The following PTN variants were observed in gnomAD, a reference collection of about 807,000 sequenced individuals.
The protein encoded by PTN is pleiotrophin, also known as heparin affin regulatory protein.
In PTN, 18 loss-of-function variants were observed where a neutral mutation model predicts 24.1. The ratio of observed to expected loss-of-function variants is 0.75; its 90% confidence interval spans 0.52 to 1.11. The LOEUF is 1.11. Ranked by LOEUF, PTN falls within the 50% of genes least tolerant of loss-of-function variation. The pLI is 0.00. For synonymous variants in PTN, 78 were observed against 68.6 expected, an observed-to-expected ratio of 1.14 and a Z score of -0.67; for missense variants, 163 against 198.8, an observed-to-expected ratio of 0.82 and a Z score of 1.08.
intron 1 of PTN, among the ~76,000 whole-genome samples, chr7:137,264,793 TG>T (rs1478521215): frequency 6.6e-6 from 1 of 152,100 alleles, no homozygotes; most frequent in Non-Finnish European, 1.5e-5. Context: ...TACCACAGCA[TG>T]GGGGGACTTT....
intron 1 of PTN, among the ~76,000 whole-genome samples, chr7:137,311,500 C>T (rs1417588555): frequency 6.6e-6 from 1 of 152,174 alleles, no homozygotes; most frequent in Non-Finnish European, 1.5e-5. Flanking sequence ...TCTGATATGC[C>T]CTTCCCCACT....
intron 1 of PTN, among the ~76,000 whole-genome samples, chr7:137,333,138 G>A (rs1810386661): frequency 6.6e-6 from 1 of 152,064 alleles, no homozygotes; most frequent in African/African-American, 2.4e-5. Context: ...AGTTCCCCCA[G>A]GAGCTGATTG....
At chr7:137,324,433 AATAT>A (rs71176396) in intron 1 of PTN, among the ~76,000 whole-genome samples, 1 of 88,762 alleles carries the variant, frequency 1.1e-5, no homozygotes, top group African/African-American at 6.9e-5. Context: ...AAAAAAAAAA[AATAT>A]ATATATATAT....
Position 137,303,230 on chromosome 7 carries a change from C to A in PTN, c.-2+40209G>T, listed in dbSNP as rs1809834109. Among the ~76,000 whole-genome samples the A allele has an allele frequency of 2.6e-5, 4 of 151,938 alleles. 1 individual carries two copies. The highest frequency in any genetic ancestry group is 9.6e-5 in the African/African-American group (4 of 41,494). On this transcript the variant is annotated intron_variant, in intron 1 of 4. Transcript: ENST00000348225. ...CACATCTGAATCACCAGTTATGAGA[C>A]CCAGCAAGAAAAAATTTTATTTCCC...
At chr7:137,308,472 C>T (rs1159656233) in intron 1 of PTN, among the ~76,000 whole-genome samples, 1 of 152,120 alleles carries the variant, frequency 6.6e-6, no homozygotes, top group Non-Finnish European at 1.5e-5. Flanking sequence ...TGACTAAAAC[C>T]TTTTGAAACT....
intron 1 of PTN, among the ~76,000 whole-genome samples, chr7:137,285,946 T>C (rs1809546889): frequency 6.6e-6 from 1 of 152,236 alleles, no homozygotes; most frequent in Non-Finnish European, 1.5e-5. Context: ...TCTTTTGAAT[T>C]TTATGTATAT....
At chr7:137,248,512 G>T (rs1158575574) in intron 4 of PTN, among the ~76,000 whole-genome samples, 2 of 152,130 alleles carry the variant, frequency 1.3e-5, no homozygotes, top group East Asian at 3.9e-4. Context: ...ATGATGAAAT[G>T]CTGTCTCTAC....
At chr7:137,262,652 C>G (rs1457223619) in intron 1 of PTN, among the ~76,000 whole-genome samples, 1 of 152,036 alleles carries the variant, frequency 6.6e-6, no homozygotes, top group African/African-American at 2.4e-5. Flanking sequence ...CTTTTAAGGG[C>G]TAACAACCCT....
In PTN at chr7:137,316,818, G is replaced by A. The variant is rs141856512; in HGVS notation, c.-2+26621C>T. The stretch of plus-strand genomic sequence containing the variant: ...TGAGCATCATAAATCTCTAAGAACA[G>A]GGCTGCACTCATGAGGTAACCCAGG... On this transcript the variant is annotated intron_variant, in intron 1 of 4. Transcript: ENST00000348225. Among the ~76,000 whole-genome samples the A allele has an allele frequency of 7.0e-3, 1,071 of 152,256 alleles. 5 individuals carry two copies. Among genetic ancestry groups the A allele is most frequent in the Non-Finnish European group, 0.012 (838 of 68,016 alleles).
rs1054085780 is a variant in PTN at position 137,254,747 on chromosome 7, G to A, written c.115+112C>T. 9 of 579,336 alleles carry A rather than the reference G, an allele frequency of 1.6e-5. No individual in the cohort carries two copies. The South Asian group carries it at 4.9e-4, about 32-fold the overall frequency. The allele number at this position is 579,336 out of a possible 1,614,324, so 35.9% of individuals were successfully genotyped here. On this transcript the variant is annotated intron_variant, in intron 2 of 4. Coordinates refer to ENST00000348225, the MANE Select transcript of PTN (RefSeq NM_002825.7). ...TTGAAAAGGGAAGATTGAAGGAATA[G>A]AGGAATAGGAAGGGAGAGAGGCAGA...
At chr7:137,233,110 T>C (rs1373217652) in intron 4 of PTN, among the ~76,000 whole-genome samples, 1 of 151,962 alleles carries the variant, frequency 6.6e-6, no homozygotes, top group East Asian at 1.9e-4. Flanking sequence ...TCTGAGCCCA[T>C]GTGTTTTTTT....
chr7:137,239,249 T>C (rs537013209), intron 4 of PTN, among the ~76,000 whole-genome samples: 2 of 152,308 alleles, frequency 1.3e-5, no homozygotes, highest in South Asian at 4.1e-4. Context: ...TTGAAGCCAG[T>C]GTGAATGATG....
intron 1 of PTN, among the ~76,000 whole-genome samples, chr7:137,330,024 C>T (rs1327103955): frequency 6.6e-6 from 1 of 152,172 alleles, no homozygotes; most frequent in African/African-American, 2.4e-5. Flanking sequence ...CAGTGGCTCA[C>T]ACCTGTAATC....
chr7:137,253,693 T>A, intron 2 of PTN, 56 bp from the exon 3 acceptor site: 1 of 1,369,884 alleles, frequency 7.3e-7, no homozygotes, highest in Non-Finnish European at 9.6e-7. Flanking sequence ...AACTTCCAGA[T>A]ATAACCAAGT....
chr7:137,324,049 C>T (rs1425039506), intron 1 of PTN, among the ~76,000 whole-genome samples: 3 of 152,042 alleles, frequency 2.0e-5, no homozygotes, highest in Non-Finnish European at 1.5e-5. Context: ...TGATTTAATA[C>T]AAAATCAGCC....
intron 1 of PTN, among the ~76,000 whole-genome samples, chr7:137,306,074 T>C (rs1809883408): frequency 6.6e-6 from 1 of 152,148 alleles, no homozygotes; most frequent in Admixed American, 6.6e-5. Flanking sequence ...CAACTCATTT[T>C]GGGCCACTGC....
intron 1 of PTN, among the ~76,000 whole-genome samples, chr7:137,336,554 A>C (rs1044292108): frequency 6.6e-6 from 1 of 152,162 alleles, no homozygotes; most frequent in African/African-American, 2.4e-5. Flanking sequence ...CTTGAGCATG[A>C]TCACATGCTC....
intron 3 of PTN, among the ~76,000 whole-genome samples, chr7:137,252,254 T>A (rs1039811047): frequency 1.3e-5 from 2 of 151,916 alleles, no homozygotes. Flanking sequence ...TATCTCATTA[T>A]GGTTTCAATT....
intron 1 of PTN, among the ~76,000 whole-genome samples, chr7:137,280,175 T>C (rs1243664559): frequency 2.0e-5 from 3 of 152,188 alleles, no homozygotes; most frequent in African/African-American, 7.2e-5. Flanking sequence ...GAAAATCTAA[T>C]TACTTACATT....
Sources: allele counts gnomAD v4.1 joint callset (sites outside exome capture counted in the v4.1 genomes callset), GRCh38; gene constraint gnomAD v4.1.1; transcripts MANE v1.5; gene names NCBI Gene and HGNC (gene_info 2026-07-23, HGNC 2026-07-21).